Variants in NLGN1 observed in about 807,000 individuals in gnomAD.
NLGN1 encodes neuroligin-1.
In NLGN1, 12 loss-of-function variants were observed where a neutral mutation model predicts 65.5. That is an observed-to-expected ratio of 0.18 (90% confidence interval 0.12 to 0.30). The LOEUF is 0.30. NLGN1 is among the 10% of genes least tolerant of loss of function. The pLI, the probability that NLGN1 is intolerant of heterozygous loss-of-function variation, is 1.00. For missense variants in NLGN1, 750 were observed against 1,007.1 expected (o/e 0.74, Z 3.46); for synonymous variants, 350 against 359.5 (o/e 0.97, Z 0.30).
At chr3:173,532,265 TC>T (rs1736703517) in intron 2 of NLGN1, among the ~76,000 whole-genome samples, 1 of 152,208 alleles carries the variant, frequency 6.6e-6, no homozygotes. Flanking sequence ...TGATGCCATC[TC>T]TTTGAGATAC....
At chr3:174,185,442 AT>A (rs1388158279) in intron 4 of NLGN1, among the ~76,000 whole-genome samples, 1 of 152,108 alleles carries the variant, frequency 6.6e-6, no homozygotes, top group East Asian at 1.9e-4. Flanking sequence ...ATTCAATTTT[AT>A]TTATTTTAGA....
At chr3:174,170,983 A>T (rs1318455506) in intron 4 of NLGN1, among the ~76,000 whole-genome samples, 3 of 152,198 alleles carry the variant, frequency 2.0e-5, no homozygotes, top group Non-Finnish European at 4.4e-5. Flanking sequence ...ATTTACATTC[A>T]TGTCAAGGGA....
intron 2 of NLGN1, among the ~76,000 whole-genome samples, chr3:173,588,231 G>A (rs1747836243): frequency 6.6e-6 from 1 of 152,146 alleles, no homozygotes; most frequent in Admixed American, 6.5e-5. Context: ...AAAACATCAT[G>A]AGGTAGCTAA....
At chr3:173,928,777 T>C (rs1009524642) in intron 4 of NLGN1, among the ~76,000 whole-genome samples, 2 of 151,478 alleles carry the variant, frequency 1.3e-5, no homozygotes, top group Non-Finnish European at 2.9e-5. Context: ...GTTCAAGAGA[T>C]TCTCCTGCCT....
chr3:173,656,954 A>G (rs533544279), intron 3 of NLGN1, among the ~76,000 whole-genome samples: 1 of 152,206 alleles, frequency 6.6e-6, no homozygotes, highest in East Asian at 1.9e-4. Context: ...AGACGAGGAA[A>G]TCATTTTGTC....
At chr3:173,987,819 G>C (rs114849366) in intron 4 of NLGN1, among the ~76,000 whole-genome samples, 3,342 of 152,100 alleles carry the variant, frequency 0.022, 97 homozygotes, top group African/African-American at 0.071. Flanking sequence ...GGCATTTTTC[G>C]GTAAGGGAGA....
chr3:173,924,040 A>T (rs1387379096), intron 4 of NLGN1, among the ~76,000 whole-genome samples: 1 of 152,160 alleles, frequency 6.6e-6, no homozygotes, highest in Non-Finnish European at 1.5e-5. Context: ...CCTTATAGCA[A>T]TACAAAAAAT....
intron 4 of NLGN1, among the ~76,000 whole-genome samples, chr3:173,813,072 G>A (rs888500980): frequency 2.6e-5 from 4 of 151,724 alleles, no homozygotes; most frequent in African/African-American, 9.7e-5. Flanking sequence ...GTAAGGAAAG[G>A]TAGAATATCT....
At chr3:173,800,770 C>T (rs1220132711) in intron 3 of NLGN1, among the ~76,000 whole-genome samples, 3 of 151,446 alleles carry the variant, frequency 2.0e-5, no homozygotes, top group Admixed American at 6.6e-5. Context: ...TTTTTACATT[C>T]GACATTTGTT....
intron 4 of NLGN1, among the ~76,000 whole-genome samples, chr3:174,117,773 A>T (rs1046290639): frequency 6.6e-6 from 1 of 152,198 alleles, no homozygotes; most frequent in African/African-American, 2.4e-5. Context: ...TCTGAAATCC[A>T]TAAAAAGTTG....
intron 4 of NLGN1, among the ~76,000 whole-genome samples, chr3:174,228,229 A>C (rs1288056422): frequency 6.6e-6 from 1 of 152,098 alleles, no homozygotes; most frequent in Non-Finnish European, 1.5e-5. Flanking sequence ...ACAAATAAAC[A>C]ACCTTGTTAT....
chr3:173,817,013 A>G (rs548963760), intron 4 of NLGN1, among the ~76,000 whole-genome samples: 22 of 152,246 alleles, frequency 1.4e-4, no homozygotes, highest in Admixed American at 1.2e-3. Flanking sequence ...ACAAAGCCCA[A>G]AATAGTTTCT....
chr3:174,090,292 G>A (rs1744251559), intron 4 of NLGN1, among the ~76,000 whole-genome samples: 1 of 152,000 alleles, frequency 6.6e-6, no homozygotes, highest in South Asian at 2.1e-4. Flanking sequence ...CCAACATGAT[G>A]AAATCTCGTC....
chr3:173,668,729 T>C (rs966809783), intron 3 of NLGN1, among the ~76,000 whole-genome samples: 1 of 151,512 alleles, frequency 6.6e-6, no homozygotes, highest in African/African-American at 2.4e-5. Flanking sequence ...GTCCCAGCAA[T>C]GCTCATGCCT....
intron 3 of NLGN1, among the ~76,000 whole-genome samples, chr3:173,728,605 G>A (rs1447548824): frequency 2.0e-5 from 3 of 152,068 alleles, no homozygotes; most frequent in African/African-American, 7.2e-5. Flanking sequence ...GTTCAGATGA[G>A]TCATGCTTGA....
At chr3:173,830,794 G>A (rs143642644) in intron 4 of NLGN1, among the ~76,000 whole-genome samples, 165 of 152,182 alleles carry the variant, frequency 1.1e-3, no homozygotes, top group African/African-American at 3.5e-3. Flanking sequence ...TGTACTAGCC[G>A]GAAAGGTTAG....
intron 4 of NLGN1, among the ~76,000 whole-genome samples, chr3:174,189,404 A>AATTCAAC (rs1731978287): frequency 6.6e-6 from 1 of 151,998 alleles, no homozygotes; most frequent in South Asian, 2.1e-4. Context: ...ATTAATAATG[A>AATTCAAC]ATTCAACCAC....
intron 4 of NLGN1, among the ~76,000 whole-genome samples, chr3:173,997,794 G>C (rs1560807169): frequency 6.6e-6 from 1 of 152,024 alleles, no homozygotes; most frequent in Non-Finnish European, 1.5e-5. Context: ...ATTTATTCTA[G>C]CCACTTAATT....
intron 2 of NLGN1, among the ~76,000 whole-genome samples, chr3:173,480,460 G>A (rs1282433100): frequency 6.6e-6 from 1 of 152,056 alleles, no homozygotes; most frequent in African/African-American, 2.4e-5. Context: ...TTGCACGTAT[G>A]CACTCAGATT....
Sources: allele counts gnomAD v4.1 joint callset (sites outside exome capture counted in the v4.1 genomes callset), GRCh38; gene constraint gnomAD v4.1.1; transcripts MANE v1.5; gene names NCBI Gene and HGNC (gene_info 2026-07-23, HGNC 2026-07-21).